The following PHLPP2 variants were observed in gnomAD, a reference collection of about 807,000 sequenced individuals.
The protein encoded by PHLPP2 is PH domain leucine-rich repeat-containing protein phosphatase 2.
PHLPP2 carries 66 observed loss-of-function variants against 124.9 expected under a neutral mutation model. The ratio of observed to expected loss-of-function variants is 0.53; its 90% CI spans 0.43 to 0.65. The LOEUF (loss-of-function observed/expected upper bound fraction) is 0.65, where lower values mean the gene tolerates loss of function less well. PHLPP2 is among the 30% of genes least tolerant of loss of function. The probability of loss-of-function intolerance (pLI) is 0.00; values close to 1 mark genes in which losing one functional copy is unlikely to be tolerated. For synonymous variants in PHLPP2, 681 were observed against 624.7 expected (o/e 1.09, Z -1.34); for missense variants, 1,685 against 1,600.4 (o/e 1.05, Z -0.90).
At chr16:71,676,793 G>T in intron 8 of PHLPP2, 144 bp from the exon 9 acceptor site, 1 of 633,416 alleles carries the variant, frequency 1.6e-6, no homozygotes, top group Admixed American at 2.7e-5. Flanking sequence ...GTGTTGCGCA[G>T]GCTGGAGTGC....
intron 17 of PHLPP2, 48 bp from the exon 18 acceptor site, chr16:71,653,069 G>T (rs2044709299): frequency 5.4e-6 from 6 of 1,112,480 alleles, no homozygotes; most frequent in South Asian, 2.5e-5. Flanking sequence ...AGTTTTAGAA[G>T]AAAGTGGTGG....
At chr16:71,704,953 G>C (rs542246872) in intron 2 of PHLPP2, among the ~76,000 whole-genome samples, 15 of 152,278 alleles carry the variant, frequency 9.9e-5, no homozygotes, top group African/African-American at 3.4e-4. Context: ...TAAAGAGACA[G>C]ATCTTCAAAT....
intron 2 of PHLPP2, among the ~76,000 whole-genome samples, chr16:71,712,602 G>GA (rs1294125376): frequency 2.0e-5 from 3 of 152,190 alleles, no homozygotes; most frequent in Non-Finnish European, 4.4e-5. Context: ...TTAAGACTTA[G>GA]AAAAGCCTAA....
Position 71,648,812 on chromosome 16 carries a change from T to C in PHLPP2, c.*78A>G. The C allele has an allele frequency of 3.0e-6, 3 of 996,526 alleles. No homozygotes were observed. The highest frequency in any genetic ancestry group is 2.3e-5 in the Admixed American group (1 of 44,312). The allele number at this position is 996,526 out of a possible 1,614,324, so 61.7% of individuals were successfully genotyped here. ...AAAAAAACGAACAAACAAAAAGAAA[T>C]GTAGAGGCAGAATGCCTCTAGCAAG... On this transcript the variant is annotated 3_prime_UTR_variant, in exon 19 of 19. Transcript: ENST00000568954.
intron 17 of PHLPP2, among the ~76,000 whole-genome samples, chr16:71,653,582 C>A (rs980552718): frequency 6.6e-5 from 10 of 152,128 alleles, no homozygotes; most frequent in African/African-American, 1.4e-4. Context: ...ACAATGTTAA[C>A]GAGGAACAGA....
At chr16:71,712,643 A>T (rs1271876607) in intron 2 of PHLPP2, among the ~76,000 whole-genome samples, 1 of 152,242 alleles carries the variant, frequency 6.6e-6, no homozygotes, top group Admixed American at 6.5e-5. Flanking sequence ...TTCGTTTTAC[A>T]AATGGATTTA....
At chr16:71,699,367 T>C (rs2045206402) in intron 3 of PHLPP2, among the ~76,000 whole-genome samples, 1 of 152,032 alleles carries the variant, frequency 6.6e-6, no homozygotes, top group East Asian at 1.9e-4. Context: ...GCACCTCCCA[T>C]CCTGTGCCCA....
At chr16:71,708,293 G>A (rs546565663) in intron 2 of PHLPP2, among the ~76,000 whole-genome samples, 5 of 152,248 alleles carry the variant, frequency 3.3e-5, no homozygotes, top group East Asian at 1.9e-4. Flanking sequence ...GAAAATGGCC[G>A]GCTCCTGCCT....
chr16:71,688,863 T>C (rs1173018664), intron 4 of PHLPP2, among the ~76,000 whole-genome samples: 14 of 152,212 alleles, frequency 9.2e-5, no homozygotes, highest in African/African-American at 3.4e-4. Flanking sequence ...CACTCATTCA[T>C]TAAACTAGTA....
intron 3 of PHLPP2, among the ~76,000 whole-genome samples, chr16:71,694,150 T>C (rs2045143366): frequency 6.6e-6 from 1 of 152,002 alleles, no homozygotes; most frequent in African/African-American, 2.4e-5. Context: ...GCTGAGATCA[T>C]GCCACTGCAC....
intron 1 of PHLPP2, chr16:71,723,864 C>G (rs908570518): frequency 2.5e-6 from 3 of 1,186,626 alleles, no homozygotes; most frequent in Admixed American, 4.6e-5. Context: ...TCCACCTCCC[C>G]CATCGGCGAC....
rs188866272 is a variant in PHLPP2 at position 71,686,641 on chromosome 16, C to T, written c.610-2040G>A. Among the ~76,000 whole-genome samples, 177 of 152,282 alleles carry T rather than the reference C, an allele frequency of 1.2e-3. 1 individual carries two copies. The highest frequency in any genetic ancestry group is 8.1e-3 in the South Asian group (39 of 4,822). ...ATCACTGATCTGTTTTCTATCACTACAATTTTTTGCCTTTTTCAGAATTTC... is the reference window on the plus strand; with the variant it reads ...ATCACTGATCTGTTTTCTATCACTATAATTTTTTGCCTTTTTCAGAATTTC... On this transcript the variant is annotated intron_variant, in intron 4 of 18. Coordinates refer to ENST00000568954, the MANE Select transcript of PHLPP2 (RefSeq NM_015020.3).
intron 2 of PHLPP2, among the ~76,000 whole-genome samples, chr16:71,708,342 A>G (rs1211135074): frequency 6.6e-6 from 1 of 152,164 alleles, no homozygotes; most frequent in Non-Finnish European, 1.5e-5. Context: ...CTTCTCCTGG[A>G]CAATGAGTCT....
intron 18 of PHLPP2, among the ~76,000 whole-genome samples, chr16:71,651,874 T>A (rs1246125126): frequency 6.6e-6 from 1 of 152,172 alleles, no homozygotes; most frequent in Non-Finnish European, 1.5e-5. Flanking sequence ...CTTACACTTT[T>A]CACAAATATT....
intron 4 of PHLPP2, among the ~76,000 whole-genome samples, chr16:71,689,385 C>CTTTTTT (rs57755507): frequency 6.4e-5 from 4 of 62,542 alleles, no homozygotes; most frequent in African/African-American, 1.4e-4. Context: ...CTACACCTGG[C>CTTTTTT]TTTTTTTTTT....
intron 1 of PHLPP2, chr16:71,723,752 T>G: frequency 8.0e-7 from 1 of 1,246,946 alleles, no homozygotes; most frequent in East Asian, 3.6e-5. Flanking sequence ...CGCTCGCTGG[T>G]CCATCCGCCT....
In PHLPP2 at chr16:71,652,908, G is replaced by C. The variant is rs61733128; in HGVS notation, c.2699C>G (p.Thr900Arg). 1.9e-6 allele frequency: 3 copies of C among 1,614,026 alleles called. No individual in the cohort carries two copies. The highest frequency in any genetic ancestry group is 2.5e-6 in the Non-Finnish European group (3 of 1,179,932). The change falls in exon 18 of 19, where the codon ACG becomes AGG. Residue 900 changes from threonine (T) to arginine (R), a missense_variant. Transcript: ENST00000568954. ...ACCTCGGCACAGGACTGCTTGGCAC[G>C]TGCCAACATTGGCTACAGTCAAGCT... ...SFSLTVANVG[T>R]CQAVLCRGGK...
chr16:71,679,591 T>C, intron 6 of PHLPP2, 56 bp from the exon 7 acceptor site: 1 of 1,441,042 alleles, frequency 6.9e-7, no homozygotes, highest in South Asian at 1.2e-5. Context: ...TTACTGTATC[T>C]TTACAAGGGA....
Position 71,709,251 on chromosome 16 carries a change from T to C in PHLPP2, c.284+5261A>G, listed in dbSNP as rs555121940. ...CTAAAACAGGATGTTTCATTCCACCTTTATAATTTCAAAATATGGCAAACA... is the reference window on the plus strand; with the variant it reads ...CTAAAACAGGATGTTTCATTCCACCCTTATAATTTCAAAATATGGCAAACA... On this transcript the variant is annotated intron_variant, in intron 2 of 18. Transcript: ENST00000568954. 4.6e-5 allele frequency among the ~76,000 whole-genome samples: 7 copies of C among 152,308 alleles called. No individual in the cohort carries two copies. In the South Asian group the frequency reaches 1.4e-3, roughly 32 times the overall value.
Sources: allele counts gnomAD v4.1 joint callset (sites outside exome capture counted in the v4.1 genomes callset), GRCh38; gene constraint gnomAD v4.1.1; transcripts MANE v1.5; gene names NCBI Gene and HGNC (gene_info 2026-07-23, HGNC 2026-07-21).